The following GALNT18 variants were observed in gnomAD, a reference collection of about 807,000 sequenced individuals.
The protein encoded by GALNT18 is polypeptide N-acetylgalactosaminyltransferase 18.
GALNT18 carries 44 observed loss-of-function variants against 69.5 expected under a neutral mutation model. The ratio of observed to expected loss-of-function variants is 0.63; its 90% CI spans 0.50 to 0.81. The LOEUF is 0.81. Among genes scored for constraint, GALNT18 ranks in the 40% least tolerant of loss-of-function variants. The pLI is 0.00. For synonymous variants in GALNT18, 364 were observed against 318.2 expected (o/e 1.14, Z -1.53); for missense variants, 715 against 810.0 (o/e 0.88, Z 1.42).
intron 3 of GALNT18, among the ~76,000 whole-genome samples, chr11:11,425,323 T>C (rs572138420): frequency 6.6e-6 from 1 of 152,242 alleles, no homozygotes; most frequent in South Asian, 2.1e-4. Flanking sequence ...TTCAAGCACA[T>C]GAAGGGCTGG....
intron 6 of GALNT18, among the ~76,000 whole-genome samples, chr11:11,363,068 A>G (rs1276208250): frequency 6.6e-6 from 1 of 152,206 alleles, no homozygotes. Flanking sequence ...ACTACCATTT[A>G]TCTAAGAAAG....
At position 11,480,036 on chromosome 11, in the gene GALNT18, G is replaced by A. The variant is rs1856489442; in HGVS notation, c.236-31100C>T. Among the ~76,000 whole-genome samples the A allele has an allele frequency of 6.6e-6, 1 of 152,162 alleles. No individual in the cohort carries two copies. The highest frequency in any genetic ancestry group is 1.5e-5 in the Non-Finnish European group (1 of 68,028). On this transcript the variant is annotated intron_variant, in intron 1 of 10. Coordinates refer to ENST00000227756, the MANE Select transcript of GALNT18 (RefSeq NM_198516.3). The surrounding 1 kb of genome is among the most constrained non-coding windows in gnomAD (Gnocchi z 4.6). The stretch of plus-strand genomic sequence containing the variant: ...CCCCACCAGGAGGCTAGAGAAGAGA[G>A]ATGGGAGAGTTTGTAGATCTTGGAG...
chr11:11,521,660 G>A (rs111929785), intron 1 of GALNT18, among the ~76,000 whole-genome samples: 95 of 152,202 alleles, frequency 6.2e-4, no homozygotes, highest in African/African-American at 1.9e-3. Flanking sequence ...TTACAGTGGC[G>A]GGAGAACAAA....
intron 3 of GALNT18, among the ~76,000 whole-genome samples, chr11:11,412,746 G>A (rs1854760707): frequency 6.6e-6 from 1 of 152,168 alleles, no homozygotes. Flanking sequence ...GATATCCTTG[G>A]AGCCTCCTTT....
At chr11:11,351,082 C>G (rs1270524124) in intron 6 of GALNT18, among the ~76,000 whole-genome samples, 2 of 152,144 alleles carry the variant, frequency 1.3e-5, no homozygotes, top group Non-Finnish European at 2.9e-5. Context: ...GGTATAGGGA[C>G]AGATGGAGTG....
At chr11:11,434,249 A>C (rs548829281) in intron 2 of GALNT18, among the ~76,000 whole-genome samples, 6 of 152,284 alleles carry the variant, frequency 3.9e-5, no homozygotes, top group African/African-American at 1.4e-4. Flanking sequence ...GAATGGGGGA[A>C]AGAAGGAGTT....
At chr11:11,609,301 C>A (rs1859832049) in intron 1 of GALNT18, among the ~76,000 whole-genome samples, 1 of 152,168 alleles carries the variant, frequency 6.6e-6, no homozygotes, top group African/African-American at 2.4e-5. Context: ...CCCACCATCA[C>A]CCTGCTCTAG....
chr11:11,403,554 G>T (rs1002718428), intron 3 of GALNT18, among the ~76,000 whole-genome samples: 1 of 152,186 alleles, frequency 6.6e-6, no homozygotes, highest in South Asian at 2.1e-4. Flanking sequence ...TTGTCTCTGA[G>T]AGGTCAGATC....
chr11:11,310,462 C>A (rs1216280600), intron 9 of GALNT18, among the ~76,000 whole-genome samples: 1 of 152,266 alleles, frequency 6.6e-6, no homozygotes, highest in South Asian at 2.1e-4. Flanking sequence ...AAAAATGCTG[C>A]GGAGATGTAA....
intron 6 of GALNT18, among the ~76,000 whole-genome samples, chr11:11,365,055 G>A (rs1014498435): frequency 6.6e-6 from 1 of 151,538 alleles, no homozygotes; most frequent in Admixed American, 6.6e-5. Context: ...AATGGGATAC[G>A]AGTGCAGAAC....
intron 10 of GALNT18, among the ~76,000 whole-genome samples, chr11:11,276,243 T>A (rs921093759): frequency 6.6e-5 from 10 of 152,224 alleles, no homozygotes; most frequent in African/African-American, 2.4e-4. Flanking sequence ...GAAGAGGTCC[T>A]TCACATCCCT....
chr11:11,510,747 T>A (rs3934815), intron 1 of GALNT18, among the ~76,000 whole-genome samples: 2 of 152,104 alleles, frequency 1.3e-5, no homozygotes, highest in African/African-American at 4.8e-5. Context: ...TTCTAGGCTG[T>A]GATCTTCTCT....
Position 11,372,515 on chromosome 11 carries a change from C to A in GALNT18, c.1092G>T (p.Arg364Ser). The change falls in exon 6 of 11, where the codon AGG (arginine) becomes AGT (serine). Residue 364 changes from arginine to serine, a missense_variant and splice_region_variant. Physicochemically the swap from Arg to Ser is moderately radical, Grantham distance 110 (BLOSUM62 -1). Transcript: ENST00000227756. This position sits in a 1 kb window ranked among gnomAD's most constrained non-coding sequence, Gnocchi z 4.9. ...AGTTTGAGTGAGAAACCCCACTCACCCTGATCCCAAGCTCCACATTCTCGC... is the reference window on the plus strand; with the variant it reads ...AGTTTGAGTGAGAAACCCCACTCACACTGATCCCAAGCTCCACATTCTCGC... ...YGGENVELGI[R>S]VWQCGGSVEV... is the part of the protein sequence containing the mutation. The A allele has an allele frequency of 6.2e-7, 1 of 1,613,576 alleles. No homozygotes were observed. Among genetic ancestry groups the A allele is most frequent in the African/African-American group, 1.3e-5 (1 of 75,054 alleles).
Position 11,387,020 on chromosome 11 carries a change from G to C in GALNT18, c.596-7756C>G, listed in dbSNP as rs947872991. Among the ~76,000 whole-genome samples the C allele has an allele frequency of 6.6e-6, 1 of 152,144 alleles. No individual in the cohort carries two copies. Among genetic ancestry groups the C allele is most frequent in the African/African-American group, 2.4e-5 (1 of 41,438 alleles). On this transcript the variant is annotated intron_variant, in intron 3 of 10. Transcript: ENST00000227756. The surrounding 1 kb of genome is among the most constrained non-coding windows in gnomAD (Gnocchi z 4.6). Reference sequence around the variant, plus strand: ...GATTCTGACGGATGGGCCAAACTTGGTTACAACTGAAATACAAAGGTGGGC... The same window carrying C: ...GATTCTGACGGATGGGCCAAACTTGCTTACAACTGAAATACAAAGGTGGGC...
At chr11:11,345,479 T>C (rs1024237341) in intron 6 of GALNT18, among the ~76,000 whole-genome samples, 6 of 152,080 alleles carry the variant, frequency 3.9e-5, no homozygotes, top group Non-Finnish European at 8.8e-5. Context: ...GTCACTGGCA[T>C]TTGGACCTCA....
intron 9 of GALNT18, among the ~76,000 whole-genome samples, chr11:11,326,104 G>A (rs111443962): frequency 0.015 from 2,166 of 142,004 alleles, 46 homozygotes; most frequent in African/African-American, 0.054. Context: ...GACTGCAGTA[G>A]TGCGATCTCA....
In GALNT18 at chr11:11,318,499, C is replaced by T. The variant is rs1849792486; in HGVS notation, c.1512+8587G>A. ...GAGAGTGCCTGGAGTAGAATCTTTC[C>T]TAGGCCTTCAGAGGGAGCTTGGCCC... On this transcript the variant is annotated intron_variant, in intron 9 of 10. Coordinates refer to ENST00000227756, the MANE Select transcript of GALNT18 (RefSeq NM_198516.3). This position sits in a 1 kb window ranked among gnomAD's most constrained non-coding sequence, Gnocchi z 5.1. Among the ~76,000 whole-genome samples, 5 of 152,260 alleles carry T rather than the reference C, an allele frequency of 3.3e-5. No individual in the cohort carries two copies. The South Asian group carries it at 1.0e-3, about 32-fold the overall frequency.
At chr11:11,311,992 T>C (rs913309144) in intron 9 of GALNT18, among the ~76,000 whole-genome samples, 1 of 152,228 alleles carries the variant, frequency 6.6e-6, no homozygotes, top group Non-Finnish European at 1.5e-5. Context: ...AGTCTCGCTC[T>C]GTTGCCCAGG....
At chr11:11,322,588 G>C (rs914533745) in intron 9 of GALNT18, among the ~76,000 whole-genome samples, 28 of 152,304 alleles carry the variant, frequency 1.8e-4, no homozygotes, top group African/African-American at 6.7e-4. Context: ...TAAAACCACA[G>C]AGTGATAGTA....
Sources: allele counts gnomAD v4.1 joint callset (sites outside exome capture counted in the v4.1 genomes callset), GRCh38; gene constraint gnomAD v4.1.1; non-coding constraint Gnocchi (gnomAD v3.1); transcripts MANE v1.5; gene names NCBI Gene and HGNC (gene_info 2026-07-23, HGNC 2026-07-21).